Variants in KANSL1L observed in about 807,000 individuals in gnomAD.
The protein encoded by KANSL1L is KAT8 regulatory NSL complex subunit 1-like protein.
KANSL1L carries 25 observed loss-of-function variants against 108.6 expected under a neutral mutation model. That is an observed-to-expected ratio of 0.23 (90% confidence interval 0.17 to 0.32). The LOEUF is 0.32. KANSL1L is among the 10% of genes least tolerant of loss of function. The probability of loss-of-function intolerance (pLI) is 1.00; values close to 1 mark genes in which losing one functional copy is unlikely to be tolerated. For missense variants in KANSL1L, 1,137 were observed against 1,125.7 expected, an observed-to-expected ratio of 1.01 and a Z score of -0.14; for synonymous variants, 405 against 395.1, an observed-to-expected ratio of 1.03 and a Z score of -0.30.
intron 6 of KANSL1L, among the ~76,000 whole-genome samples, chr2:210,054,527 A>C (rs2094328653): frequency 6.6e-6 from 1 of 152,138 alleles, no homozygotes; most frequent in South Asian, 2.1e-4. Flanking sequence ...ATAAATGTAC[A>C]AACTCTTTGT....
In KANSL1L at chr2:210,031,207, G is replaced by A. The variant is rs546918565; in HGVS notation, c.2155+214C>T. 520 of 432,482 alleles carry A rather than the reference G, an allele frequency of 1.2e-3. 4 individuals carry two copies. The highest frequency in any genetic ancestry group is 9.4e-4 in the Non-Finnish European group (229 of 244,830). 26.8% of individuals were successfully genotyped at this position (432,482 alleles called of 1,614,324 possible). On this transcript the variant is annotated intron_variant, in intron 9 of 14. Coordinates refer to ENST00000281772, the MANE Select transcript of KANSL1L (RefSeq NM_152519.4). Reference sequence around the variant, plus strand: ...GACAACTAGTCAGGGAACATAGGAGGGAAATACTTAATTGCCATAAAGTGG... The same window carrying A: ...GACAACTAGTCAGGGAACATAGGAGAGAAATACTTAATTGCCATAAAGTGG...
At chr2:210,086,897 TTTCC>T (rs1253836226) in intron 5 of KANSL1L, among the ~76,000 whole-genome samples, 4 of 152,102 alleles carry the variant, frequency 2.6e-5, no homozygotes, top group Non-Finnish European at 5.9e-5. Context: ...CATTTATGAG[TTTCC>T]TTATCTGGCA....
At chr2:210,054,748 A>G (rs556732118) in intron 6 of KANSL1L, among the ~76,000 whole-genome samples, 46 of 151,978 alleles carry the variant, frequency 3.0e-4, no homozygotes, top group African/African-American at 1.1e-3. Context: ...ATAAAAAGGG[A>G]AGAAGGAAGG....
intron 11 of KANSL1L, among the ~76,000 whole-genome samples, chr2:210,028,172 T>C (rs2093962997): frequency 6.6e-6 from 1 of 152,190 alleles, no homozygotes; most frequent in Non-Finnish European, 1.5e-5. Context: ...GGACCTAACT[T>C]TGTCTCTAGC....
chr2:210,066,686 C>T (rs1049790517), intron 6 of KANSL1L, among the ~76,000 whole-genome samples: 27 of 152,216 alleles, frequency 1.8e-4, no homozygotes, highest in African/African-American at 6.3e-4. Context: ...GGCCTGTTCT[C>T]ACTTCTTTCA....
intron 2 of KANSL1L, among the ~76,000 whole-genome samples, chr2:210,133,299 T>C (rs2095143512): frequency 6.6e-6 from 1 of 151,162 alleles, no homozygotes. Context: ...TACAAAGTTA[T>C]TATACTCTTT....
Position 210,025,110 on chromosome 2 carries a change from T to A in KANSL1L, c.2558A>T (p.Asn853Ile). 1 of 1,600,736 alleles carries A rather than the reference T, an allele frequency of 6.2e-7. No individual in the cohort carries two copies. Among genetic ancestry groups the A allele is most frequent in the South Asian group, 1.1e-5 (1 of 90,806 alleles). The change falls in exon 13 of 15, where the codon AAC becomes ATC. Residue 853 changes from asparagine to isoleucine, a missense_variant. Physicochemically the swap from Asn to Ile is moderately radical, Grantham distance 149 (BLOSUM62 -3). This residue lies in a region of KANSL1L where 575 missense variants were observed against 567.1 expected (regional missense o/e 1.01). Coordinates refer to ENST00000281772, the MANE Select transcript of KANSL1L (RefSeq NM_152519.4). ...TTTTAAATTTGTAACCTGCCTGCTG[T>A]TTCTTCTGTGCCACTTGCTTTGCTC... is the stretch of plus-strand genomic sequence containing the variant. ...LWEQSKWHRR[N>I]SRAYSKNVEG...
At position 210,021,997 on chromosome 2, in the gene KANSL1L, A is replaced by AATC. The variant is rs935417190; in HGVS notation, c.*949_*951dup. 2.0e-5 allele frequency: 3 copies of AATC among 150,202 alleles called. No homozygotes were observed. Among genetic ancestry groups the AATC allele is most frequent in the East Asian group, 1.9e-4 (1 of 5,178 alleles). 9.3% of individuals were successfully genotyped at this position (150,202 alleles called of 1,614,324 possible). On this transcript the variant is annotated 3_prime_UTR_variant, in exon 15 of 15. Transcript: ENST00000281772. ...TAATTTCTTGCTAATCTAGAAATACAATCATCTTTTTTTTTTTTTTCAAAT... is the reference window on the plus strand; with the variant it reads ...TAATTTCTTGCTAATCTAGAAATACAATCATCATCTTTTTTTTTTTTTTCAAAT...
In KANSL1L at chr2:210,029,006, CTAGT is replaced by C. The variant is rs774134167; in HGVS notation, c.2272-41_2272-38del. ...GATTACAGTAGATTTACAGTACTGT[CTAGT>C]TACTTGTAATGATACCCTCCTTTCA... On this transcript the variant is annotated intron_variant, in intron 10 of 14. Coordinates refer to ENST00000281772, the MANE Select transcript of KANSL1L (RefSeq NM_152519.4). 24 of 1,538,068 alleles carry C rather than the reference CTAGT, an allele frequency of 1.6e-5. No homozygotes were observed. In the East Asian group the frequency reaches 5.5e-4, roughly 35 times the overall value.
intron 3 of KANSL1L, among the ~76,000 whole-genome samples, chr2:210,127,871 A>AAATT (rs1415566771): frequency 6.6e-6 from 1 of 151,442 alleles, no homozygotes; most frequent in African/African-American, 2.4e-5. Flanking sequence ...ATCTGATAAG[A>AAATT]AATTAATATC....
At chr2:210,084,610 T>A (rs1339159535) in intron 5 of KANSL1L, among the ~76,000 whole-genome samples, 1 of 147,278 alleles carries the variant, frequency 6.8e-6, no homozygotes, top group Non-Finnish European at 1.5e-5. Flanking sequence ...TAGTGATTTC[T>A]TTTTTTTTTC....
intron 5 of KANSL1L, among the ~76,000 whole-genome samples, chr2:210,077,961 G>C (rs1462571464): frequency 2.6e-5 from 4 of 152,158 alleles, no homozygotes; most frequent in Non-Finnish European, 5.9e-5. Context: ...TAACAATGGG[G>C]ATACCTTCTG....
chr2:210,170,373 T>A (rs1688262789), intron 1 of KANSL1L: 1 of 985,368 alleles, frequency 1.0e-6, no homozygotes, highest in African/African-American at 1.7e-5. Flanking sequence ...AAACGGACTC[T>A]CCCAGAGTAA....
intron 2 of KANSL1L, among the ~76,000 whole-genome samples, chr2:210,131,058 G>T (rs1255557732): frequency 6.6e-6 from 1 of 152,092 alleles, no homozygotes; most frequent in Non-Finnish European, 1.5e-5. Flanking sequence ...GAGCAAATGC[G>T]CTGTAAGCAA....
At chr2:210,113,204 C>A (rs1353029408) in intron 3 of KANSL1L, among the ~76,000 whole-genome samples, 2 of 152,114 alleles carry the variant, frequency 1.3e-5, no homozygotes, top group East Asian at 1.9e-4. Flanking sequence ...AGGGCCAGCA[C>A]CCTTTAAAAA....
In KANSL1L at chr2:210,141,994, CT is replaced by C. The variant is rs1052791722; in HGVS notation, c.1088+11500del. 3.5e-3 allele frequency among the ~76,000 whole-genome samples: 490 copies of C among 139,440 alleles called. 2 individuals are homozygous for C. Among genetic ancestry groups the C allele is most frequent in the African/African-American group, 5.6e-3 (214 of 38,346 alleles). The allele number at this position is 139,440 out of a possible 152,430, so 91.5% of individuals were successfully genotyped here. On this transcript the variant is annotated intron_variant, in intron 2 of 14. Coordinates refer to ENST00000281772, the MANE Select transcript of KANSL1L (RefSeq NM_152519.4). ...GTGACAAAGGACATTGGCCTATAAT[CT>C]TTTTTTTTTTTTTTCTTATAGTGTC...
At chr2:210,116,471 C>T (rs141150368) in intron 3 of KANSL1L, among the ~76,000 whole-genome samples, 260 of 152,262 alleles carry the variant, frequency 1.7e-3, no homozygotes, top group African/African-American at 4.9e-3. Flanking sequence ...GTGCTGTCTT[C>T]GGATCTGACC....
At chr2:210,132,524 C>T (rs2095131470) in intron 2 of KANSL1L, among the ~76,000 whole-genome samples, 1 of 152,178 alleles carries the variant, frequency 6.6e-6, no homozygotes, top group African/African-American at 2.4e-5. Flanking sequence ...CTTCAATTCC[C>T]ATCCTTGCTT....
chr2:210,034,624 G>A (rs2094074801), intron 8 of KANSL1L, among the ~76,000 whole-genome samples: 1 of 152,176 alleles, frequency 6.6e-6, no homozygotes, highest in African/African-American at 2.4e-5. Flanking sequence ...AGGGAAAAAT[G>A]GATTAAAAGT....
Sources: allele counts gnomAD v4.1 joint callset (sites outside exome capture counted in the v4.1 genomes callset), GRCh38; gene constraint gnomAD v4.1.1; regional missense constraint gnomAD v4.1.1; transcripts MANE v1.5; gene names NCBI Gene and HGNC (gene_info 2026-07-23, HGNC 2026-07-21).